The following TNFRSF11A variants were observed in gnomAD, a reference collection of about 807,000 sequenced individuals.
The protein encoded by TNFRSF11A is tumor necrosis factor receptor superfamily member 11A.
A neutral mutation model predicts 55.7 loss-of-function variants in TNFRSF11A; 32 were observed. That is an observed-to-expected ratio of 0.57 (90% confidence interval 0.43 to 0.77). The LOEUF (loss-of-function observed/expected upper bound fraction) is 0.77. Ranked by LOEUF, TNFRSF11A falls within the 30% of genes least tolerant of loss-of-function variation. TNFRSF11A has a pLI of 0.00. For synonymous variants in TNFRSF11A, 311 were observed against 331.0 expected (o/e 0.94, Z 0.65); for missense variants, 753 against 809.8 (o/e 0.93, Z 0.85).
rs377173047 is a variant in TNFRSF11A at position 62,330,174 on chromosome 18, G to A, written c.75+4747G>A. On this transcript the variant is annotated intron_variant, in intron 1 of 9. Transcript: ENST00000586569. ...CAAGGGCCACAGCTCCTGTCTTCAG[G>A]AGATTGGCAGTCCAGGTGTGTGCAG... Among the ~76,000 whole-genome samples the A allele has an allele frequency of 4.6e-5, 7 of 152,358 alleles. No homozygotes were observed. In the East Asian group the frequency reaches 1.4e-3, roughly 29 times the overall value.
At chr18:62,373,432 G>A (rs566493758) in intron 9 of TNFRSF11A, among the ~76,000 whole-genome samples, 11 of 151,960 alleles carry the variant, frequency 7.2e-5, no homozygotes, top group African/African-American at 1.2e-4. Flanking sequence ...CAGCCTGGGC[G>A]GCAGAGCAAG....
chr18:62,342,425 A>AAAAAAAAT (rs2046327226), intron 1 of TNFRSF11A, among the ~76,000 whole-genome samples: 1 of 144,346 alleles, frequency 6.9e-6, no homozygotes, highest in Non-Finnish European at 1.5e-5. Flanking sequence ...AAAAAAAAAA[A>AAAAAAAAT]TCCTATATTC....
Position 62,384,733 on chromosome 18 carries a change from C to A in TNFRSF11A, c.1568-18C>A. 1.9e-6 allele frequency: 3 copies of A among 1,609,716 alleles called. No individual in the cohort carries two copies. The highest frequency in any genetic ancestry group is 2.5e-6 in the Non-Finnish European group (3 of 1,177,950). ...CGCTGACTCACCCTCCCCGTGTTCT[C>A]CCTTCCTCTCCCCGCAGGAAATGTG... is the stretch of plus-strand genomic sequence containing the variant. On this transcript the variant is annotated intron_variant, in intron 9 of 9. Coordinates refer to ENST00000586569, the MANE Select transcript of TNFRSF11A (RefSeq NM_003839.4).
intron 8 of TNFRSF11A, among the ~76,000 whole-genome samples, chr18:62,368,490 G>A (rs1465104599): frequency 6.6e-6 from 1 of 152,014 alleles, no homozygotes; most frequent in East Asian, 1.9e-4. Flanking sequence ...CTGAGATGCA[G>A]CTACATTCAT....
intron 1 of TNFRSF11A, among the ~76,000 whole-genome samples, chr18:62,332,508 G>C (rs1357191584): frequency 6.6e-6 from 1 of 152,136 alleles, no homozygotes; most frequent in East Asian, 1.9e-4. Context: ...CCGTTTCCTT[G>C]TTGAATAATT....
intron 7 of TNFRSF11A, among the ~76,000 whole-genome samples, chr18:62,362,289 G>T (rs1039942625): frequency 4.6e-5 from 7 of 152,024 alleles, no homozygotes; most frequent in Admixed American, 1.3e-4. Flanking sequence ...TCAGGAGTTT[G>T]AGAGCAGCCT....
chr18:62,376,534 T>G (rs1910909683), intron 9 of TNFRSF11A, among the ~76,000 whole-genome samples: 1 of 152,102 alleles, frequency 6.6e-6, no homozygotes. Context: ...CCTATATACC[T>G]CCTGCCCCCC....
chr18:62,388,867 C>A lies in TNFRSF11A; in HGVS notation c.*3833C>A, dbSNP rs147121125. 3.9e-5 allele frequency: 6 copies of A among 152,166 alleles called. No individual in the cohort carries two copies. The highest frequency in any genetic ancestry group is 1.4e-4 in the African/African-American group (6 of 41,422). 9.4% of individuals were successfully genotyped at this position (152,166 alleles called of 1,614,324 possible). A position where few individuals can be genotyped will look rare whatever the true frequency, so the allele number is the denominator to read the frequency against. On this transcript the variant is annotated 3_prime_UTR_variant, in exon 10 of 10. Coordinates refer to ENST00000586569, the MANE Select transcript of TNFRSF11A (RefSeq NM_003839.4). ...ACCTGCATATAAACAGATAAAAGAT[C>A]GAGTGTTCACCCTTCACCTCAGCTC...
chr18:62,354,407 C>T lies in TNFRSF11A; in HGVS notation c.300C>T (p.Ala100=), dbSNP rs774355944. 1.3e-6 allele frequency: 2 copies of T among 1,584,092 alleles called. No homozygotes were observed. The highest frequency in any genetic ancestry group is 1.7e-6 in the Non-Finnish European group (2 of 1,170,766). ...KVCDTGKALV[A]VVAGNSTTPR... is the part of the protein sequence containing the mutation. ...CTCCCGCAGGCAAGGCCCTGGTGGC[C>T]GTGGTCGCCGGCAACAGCACGACCC... is the stretch of plus-strand genomic sequence containing the variant. Residue 100 remains alanine (A), a synonymous_variant, in exon 4 of 10, where the codon GCC becomes GCT. Coordinates refer to ENST00000586569, the MANE Select transcript of TNFRSF11A (RefSeq NM_003839.4).
In TNFRSF11A at chr18:62,383,907, G is replaced by A. The variant is rs1337675358; in HGVS notation, c.1568-844G>A. ...AATCTCTACTGAAAGCTGAGCCCAC[G>A]TGGCCCCATGATCCTCCAGGGCTGA... On this transcript the variant is annotated intron_variant, in intron 9 of 9. Coordinates refer to ENST00000586569, the MANE Select transcript of TNFRSF11A (RefSeq NM_003839.4). This position sits in a 1 kb window ranked among gnomAD's most constrained non-coding sequence, Gnocchi z 4.2. Among the ~76,000 whole-genome samples, 1 of 151,988 alleles carries A rather than the reference G, an allele frequency of 6.6e-6. No homozygotes were observed. Among genetic ancestry groups the A allele is most frequent in the Non-Finnish European group, 1.5e-5 (1 of 68,014 alleles).
In TNFRSF11A at chr18:62,360,012, T is replaced by G; in HGVS notation, c.579T>G (p.Val193=). The G allele has an allele frequency of 6.2e-7, 1 of 1,614,034 alleles. No individual in the cohort carries two copies. The highest frequency in any genetic ancestry group is 1.1e-5 in the South Asian group (1 of 91,086). ...ATGGGACAGAGAAATCCGATGCGGTTTGCAGTTCTTCTCTGCCAGCTAGAA... is the reference window on the plus strand; with the variant it reads ...ATGGGACAGAGAAATCCGATGCGGTGTGCAGTTCTTCTCTGCCAGCTAGAA... ...EHHGTEKSDA[V]CSSSLPARKP... Residue 193 remains valine (V), a synonymous_variant, in exon 6 of 10, where the codon GTT becomes GTG. Coordinates refer to ENST00000586569, the MANE Select transcript of TNFRSF11A (RefSeq NM_003839.4).
chr18:62,346,945 CCT>C (rs1382147649), intron 1 of TNFRSF11A, among the ~76,000 whole-genome samples: 1 of 152,166 alleles, frequency 6.6e-6, no homozygotes, highest in Non-Finnish European at 1.5e-5. Context: ...CCTCATTGCC[CCT>C]GTTTGAACTG....
At position 62,387,553 on chromosome 18, in the gene TNFRSF11A, C is replaced by T. The variant is rs1911820280; in HGVS notation, c.*2519C>T. 1.3e-5 allele frequency: 2 copies of T among 152,136 alleles called. No individual in the cohort carries two copies. The highest frequency in any genetic ancestry group is 4.2e-4 in the South Asian group (2 of 4,818). 9.4% of individuals were successfully genotyped at this position (152,136 alleles called of 1,614,324 possible). The stretch of plus-strand genomic sequence containing the variant: ...TTCATTTGTATCTTATTGCTCATTC[C>T]CTGGACCACAGACTAGGGACAGAAA... On this transcript the variant is annotated 3_prime_UTR_variant, in exon 10 of 10. Transcript: ENST00000586569.
At chr18:62,372,265 C>T (rs1333193933) in intron 9 of TNFRSF11A, among the ~76,000 whole-genome samples, 3 of 152,192 alleles carry the variant, frequency 2.0e-5, no homozygotes, top group African/African-American at 4.8e-5. Flanking sequence ...TGAAGTTACG[C>T]CTAATCCTGA....
intron 5 of TNFRSF11A, among the ~76,000 whole-genome samples, chr18:62,358,723 T>C (rs2145321922): frequency 6.6e-6 from 1 of 152,366 alleles, no homozygotes; most frequent in African/African-American, 2.4e-5. Context: ...TATAGAAGCC[T>C]CCTGTTTATA....
intron 5 of TNFRSF11A, among the ~76,000 whole-genome samples, chr18:62,359,566 A>T (rs1222262962): frequency 6.6e-6 from 1 of 152,062 alleles, no homozygotes; most frequent in Non-Finnish European, 1.5e-5. Context: ...TTTTGTAGAG[A>T]CAGGGTTTCA....
chr18:62,379,344 C>T (rs771673371), intron 9 of TNFRSF11A, among the ~76,000 whole-genome samples: 1 of 152,220 alleles, frequency 6.6e-6, no homozygotes, highest in African/African-American at 2.4e-5. Context: ...ATACCCAGAC[C>T]CTTCTGCTGC....
chr18:62,360,104 G>A, intron 6 of TNFRSF11A, 55 bp downstream of exon 6: 4 of 1,464,018 alleles, frequency 2.7e-6, no homozygotes, highest in Non-Finnish European at 3.8e-6. Context: ...TGGTCAGCTG[G>A]TTTAGATCCC....
chr18:62,379,934 T>TTA (rs1001033232), intron 9 of TNFRSF11A, among the ~76,000 whole-genome samples: 4 of 152,324 alleles, frequency 2.6e-5, no homozygotes, highest in Non-Finnish European at 5.9e-5. Flanking sequence ...AATGTCCAAC[T>TTA]TATAAGATGT....
Sources: allele counts gnomAD v4.1 joint callset (sites outside exome capture counted in the v4.1 genomes callset), GRCh38; gene constraint gnomAD v4.1.1; non-coding constraint Gnocchi (gnomAD v3.1); transcripts MANE v1.5; gene names NCBI Gene and HGNC (gene_info 2026-07-23, HGNC 2026-07-21).